Variants in CRPPA observed in about 807,000 individuals in gnomAD.
The protein encoded by CRPPA is D-ribitol-5-phosphate cytidylyltransferase.
A neutral mutation model predicts 52.0 loss-of-function variants in CRPPA; 43 were observed. That is an observed-to-expected ratio of 0.83 (90% CI 0.65 to 1.07). CRPPA has a LOEUF of 1.07. Among genes scored for constraint, CRPPA ranks in the 50% least tolerant of loss-of-function variants. CRPPA has a pLI of 0.00. For synonymous variants in CRPPA, 250 were observed against 203.5 expected (o/e 1.23, Z -1.94); for missense variants, 629 against 551.7 (o/e 1.14, Z -1.40).
chr7:16,317,279 T>TA (rs1296088838), intron 3 of CRPPA, among the ~76,000 whole-genome samples: 5 of 152,124 alleles, frequency 3.3e-5, no homozygotes, highest in East Asian at 1.9e-4. Context: ...AAAGTTATTA[T>TA]AAAAAAACAA....
At chr7:16,281,096 A>G (rs1176346436) in intron 5 of CRPPA, among the ~76,000 whole-genome samples, 1 of 152,200 alleles carries the variant, frequency 6.6e-6, no homozygotes, top group Admixed American at 6.5e-5. Flanking sequence ...TTTGTTGTTT[A>G]GGAGTCCTTC....
chr7:16,093,470 AG>A (rs1421769726), intron 9 of CRPPA, among the ~76,000 whole-genome samples: 7 of 152,160 alleles, frequency 4.6e-5, no homozygotes, highest in Non-Finnish European at 8.8e-5. Context: ...TGACGGTGAG[AG>A]GCCATCTCTG....
In CRPPA at chr7:16,090,651, A is replaced by T. The variant is rs1781818753; in HGVS notation, c.*1044T>A. ...GGGAGGATAATTGCTTAAACCCAGGAGGCAGAGGTTGCAGTCAGCTGAGAT... is the reference window on the plus strand; with the variant it reads ...GGGAGGATAATTGCTTAAACCCAGGTGGCAGAGGTTGCAGTCAGCTGAGAT... On this transcript the variant is annotated 3_prime_UTR_variant, in exon 10 of 10. Transcript: ENST00000407010. The T allele has an allele frequency of 6.6e-6, 1 of 151,710 alleles. No individual in the cohort carries two copies. The highest frequency in any genetic ancestry group is 1.5e-5 in the Non-Finnish European group (1 of 67,998). 9.4% of individuals were successfully genotyped at this position (151,710 alleles called of 1,614,324 possible). A position where few individuals can be genotyped will look rare whatever the true frequency, so the allele number is the denominator to read the frequency against.
chr7:16,142,294 AT>A (rs1461865314), intron 9 of CRPPA, among the ~76,000 whole-genome samples: 1 of 152,170 alleles, frequency 6.6e-6, no homozygotes, highest in East Asian at 1.9e-4. Flanking sequence ...ACGTTATTTC[AT>A]CCCCTAGGTA....
chr7:16,395,921 T>C (rs1223814873), intron 2 of CRPPA, among the ~76,000 whole-genome samples: 1 of 152,192 alleles, frequency 6.6e-6, no homozygotes, highest in African/African-American at 2.4e-5. Context: ...CTTTTTCACA[T>C]AGTAGCTTCC....
At chr7:16,156,775 A>T (rs1783189140) in intron 9 of CRPPA, among the ~76,000 whole-genome samples, 1 of 152,192 alleles carries the variant, frequency 6.6e-6, no homozygotes, top group African/African-American at 2.4e-5. Flanking sequence ...GGGGTCCCAT[A>T]ACCCTAAGAA....
intron 2 of CRPPA, among the ~76,000 whole-genome samples, chr7:16,382,683 G>A (rs1290595676): frequency 6.6e-6 from 1 of 152,022 alleles, no homozygotes; most frequent in African/African-American, 2.4e-5. Flanking sequence ...TGGAGGCTTT[G>A]TTCGTTTCTT....
At chr7:16,385,848 T>A (rs144338092) in intron 2 of CRPPA, among the ~76,000 whole-genome samples, 4,277 of 152,242 alleles carry the variant, frequency 0.028, 80 homozygotes, top group Non-Finnish European at 0.043. Flanking sequence ...AAACCCCTTA[T>A]GGGATGGGGA....
intron 8 of CRPPA, among the ~76,000 whole-genome samples, chr7:16,229,799 A>C (rs544343365): frequency 1.3e-5 from 2 of 152,200 alleles, no homozygotes; most frequent in East Asian, 3.9e-4. Context: ...GATTCCCATT[A>C]GCATTTCTTG....
chr7:16,374,611 T>C (rs572488377), intron 3 of CRPPA, among the ~76,000 whole-genome samples: 1 of 152,162 alleles, frequency 6.6e-6, no homozygotes, highest in Admixed American at 6.5e-5. Context: ...AAATTCCAAG[T>C]CTTCTCATCA....
At chr7:16,194,271 A>C (rs1781679926) in intron 9 of CRPPA, among the ~76,000 whole-genome samples, 1 of 152,158 alleles carries the variant, frequency 6.6e-6, no homozygotes. Flanking sequence ...ACACTGAAAG[A>C]TAAGGTAGCC....
intron 8 of CRPPA, among the ~76,000 whole-genome samples, chr7:16,233,187 G>A (rs939756030): frequency 6.6e-6 from 1 of 152,122 alleles, no homozygotes; most frequent in Non-Finnish European, 1.5e-5. Flanking sequence ...CAGACCACCA[G>A]TGAGATATGG....
At chr7:16,176,938 T>C (rs558495034) in intron 9 of CRPPA, among the ~76,000 whole-genome samples, 25 of 152,270 alleles carry the variant, frequency 1.6e-4, no homozygotes, top group African/African-American at 4.8e-4. Flanking sequence ...TAAATCATTA[T>C]ATGGTATATC....
At chr7:16,273,648 G>T (rs114368585) in intron 6 of CRPPA, among the ~76,000 whole-genome samples, 1 of 151,946 alleles carries the variant, frequency 6.6e-6, no homozygotes, top group Non-Finnish European at 1.5e-5. Context: ...GATTCCTCCC[G>T]GACACCGAAC....
intron 8 of CRPPA, among the ~76,000 whole-genome samples, chr7:16,238,155 C>T (rs893279441): frequency 6.6e-6 from 1 of 151,968 alleles, no homozygotes; most frequent in African/African-American, 2.4e-5. Flanking sequence ...ACAATTATTT[C>T]CTTAATATAT....
intron 9 of CRPPA, among the ~76,000 whole-genome samples, chr7:16,171,234 C>A (rs1781178929): frequency 6.6e-6 from 1 of 152,194 alleles, no homozygotes; most frequent in Admixed American, 6.5e-5. Context: ...AATGTTTCTC[C>A]AACCTTTTAT....
chr7:16,335,645 C>G (rs560084416), intron 3 of CRPPA, among the ~76,000 whole-genome samples: 1 of 152,052 alleles, frequency 6.6e-6, no homozygotes, highest in African/African-American at 2.4e-5. Context: ...AGGACAGCAT[C>G]AAGCAAACTA....
intron 3 of CRPPA, among the ~76,000 whole-genome samples, chr7:16,332,878 T>C (rs967971160): frequency 2.6e-5 from 4 of 152,032 alleles, no homozygotes; most frequent in Admixed American, 6.6e-5. Flanking sequence ...ACCCAAGTCT[T>C]ATCTACAAGA....
chr7:16,324,158 C>T (rs868825295), intron 3 of CRPPA, among the ~76,000 whole-genome samples: 4 of 152,152 alleles, frequency 2.6e-5, no homozygotes, highest in African/African-American at 9.7e-5. Context: ...TTATTGCACA[C>T]ATACACACAA....
Sources: gnomAD v4.1 joint callset for allele counts (sites outside exome capture counted in the v4.1 genomes callset) on GRCh38, gnomAD v4.1.1 for gene constraint, MANE v1.5 for transcripts, NCBI Gene and HGNC (gene_info 2026-07-23, HGNC 2026-07-21) for gene names.